The following TBCD variants were observed in gnomAD, a reference collection of about 807,000 sequenced individuals.
The protein encoded by TBCD is tubulin-specific chaperone D.
A neutral mutation model predicts 169.3 loss-of-function variants in TBCD; 105 were observed. That is an observed-to-expected ratio of 0.62 (90% confidence interval 0.53 to 0.73). The LOEUF (loss-of-function observed/expected upper bound fraction) is 0.73, where lower values mean the gene tolerates loss of function less well. Ranked by LOEUF, TBCD falls within the 30% of genes least tolerant of loss-of-function variation. TBCD has a pLI of 0.00. For synonymous variants in TBCD, 700 were observed against 643.9 expected (o/e 1.09, Z -1.32); for missense variants, 1,444 against 1,600.1 (o/e 0.90, Z 1.66).
At chr17:82,905,329 C>T (rs949371073) in intron 19 of TBCD, among the ~76,000 whole-genome samples, 2 of 152,242 alleles carry the variant, frequency 1.3e-5, no homozygotes, top group East Asian at 1.9e-4. Flanking sequence ...CACTTGGGAG[C>T]GGGCCATGTC....
chr17:82,894,314 A>C (rs1034940605), intron 17 of TBCD, among the ~76,000 whole-genome samples: 1 of 152,078 alleles, frequency 6.6e-6, no homozygotes, highest in African/African-American at 2.4e-5. Flanking sequence ...AAAGGGTGTG[A>C]CTTTATTTAT....
intron 18 of TBCD, among the ~76,000 whole-genome samples, chr17:82,901,823 G>A (rs59534406): frequency 2.0e-3 from 300 of 152,358 alleles, no homozygotes; most frequent in African/African-American, 7.0e-3. Flanking sequence ...GAGACTCGGG[G>A]TGTCCCTGCA....
chr17:82,932,595 A>G, intron 33 of TBCD, 63 bp from the exon 34 acceptor site: 2 of 1,386,264 alleles, frequency 1.4e-6, no homozygotes, highest in South Asian at 2.4e-5. Context: ...ACTCTCAGCC[A>G]TTCAGGGAGT....
At chr17:82,772,747 T>A (rs2048370645) in intron 6 of TBCD, among the ~76,000 whole-genome samples, 1 of 152,122 alleles carries the variant, frequency 6.6e-6, no homozygotes, top group African/African-American at 2.4e-5. Context: ...GACAGGCCCA[T>A]CGACAGGAGT....
At chr17:82,936,574 G>A (rs2062653312) in intron 34 of TBCD, among the ~76,000 whole-genome samples, 1 of 152,230 alleles carries the variant, frequency 6.6e-6, no homozygotes, top group African/African-American at 2.4e-5. Flanking sequence ...CTGTGCTTTG[G>A]CAGGCAGGAC....
chr17:82,895,302 A>G (rs1481110325), intron 17 of TBCD, among the ~76,000 whole-genome samples: 6 of 151,958 alleles, frequency 3.9e-5, no homozygotes, highest in Non-Finnish European at 8.8e-5. Flanking sequence ...GCACCCTAGT[A>G]CCGCGGGGCC....
At position 82,843,153 on chromosome 17, in the gene TBCD, T is replaced by A. The variant is rs535805121; in HGVS notation, c.1319-27071T>A. ...TTGATGCCATTCTGATTCCTGATTCTTTCTCTCTTAACATTTTAGTGTGAA... is the reference window on the plus strand; with the variant it reads ...TTGATGCCATTCTGATTCCTGATTCATTCTCTCTTAACATTTTAGTGTGAA... On this transcript the variant is annotated intron_variant, in intron 13 of 38. Coordinates refer to ENST00000355528, the MANE Select transcript of TBCD (RefSeq NM_005993.5). Among the ~76,000 whole-genome samples, 8 of 152,316 alleles carry A rather than the reference T, an allele frequency of 5.3e-5. No individual in the cohort carries two copies. The South Asian group carries it at 1.7e-3, about 32-fold the overall frequency.
At chr17:82,882,823 A>G (rs1459561938) in intron 14 of TBCD, among the ~76,000 whole-genome samples, 1 of 152,224 alleles carries the variant, frequency 6.6e-6, no homozygotes, top group Non-Finnish European at 1.5e-5. Flanking sequence ...ACACAGGAGA[A>G]CAGACGGGAT....
chr17:82,852,924 A>G (rs1179441796), intron 13 of TBCD, among the ~76,000 whole-genome samples: 1 of 152,208 alleles, frequency 6.6e-6, no homozygotes, highest in Non-Finnish European at 1.5e-5. Flanking sequence ...GAACGTATTC[A>G]GAGCTCAGAA....
chr17:82,887,164 T>TGCGC (rs1555632294), intron 15 of TBCD, among the ~76,000 whole-genome samples: 3 of 104,458 alleles, frequency 2.9e-5, no homozygotes, highest in Non-Finnish European at 5.8e-5. Flanking sequence ...TGTGTGTGTG[T>TGCGC]GTGTGCGCGC....
At chr17:82,927,150 A>G in intron 28 of TBCD, 36 bp from the exon 29 acceptor site, 1 of 1,613,114 alleles carries the variant, frequency 6.2e-7, no homozygotes, top group Non-Finnish European at 8.5e-7. Context: ...AGGCTCACCG[A>G]TGTTTGTTTG....
At chr17:82,893,522 T>C in intron 16 of TBCD, 25 bp from the exon 17 acceptor site, 2 of 1,539,726 alleles carry the variant, frequency 1.3e-6, no homozygotes, top group South Asian at 1.2e-5. Flanking sequence ...TTCTTCTTTT[T>C]CCCCCATTTC....
At chr17:82,774,465 G>T (rs890203400) in intron 6 of TBCD, among the ~76,000 whole-genome samples, 1 of 152,196 alleles carries the variant, frequency 6.6e-6, no homozygotes, top group African/African-American at 2.4e-5. Context: ...CACAGACACA[G>T]TAACAAACTG....
chr17:82,941,367 CGAGA>C, intron 37 of TBCD, 28 bp from the exon 38 acceptor site: 2 of 1,546,872 alleles, frequency 1.3e-6, no homozygotes, highest in Non-Finnish European at 1.7e-6. Flanking sequence ...GGTGGGCACT[CGAGA>C]GACTCACGGC....
Position 82,942,598 on chromosome 17 carries a change from T to C in TBCD, c.*135T>C. On this transcript the variant is annotated 3_prime_UTR_variant, in exon 39 of 39. Transcript: ENST00000355528. ...AGCGCTGGCCCTTGGAGGCTGGCAC[T>C]AGCTGACAGCTTTTCCTCTCTGCAC... The C allele has an allele frequency of 8.3e-7, 1 of 1,210,314 alleles. No homozygotes were observed. The highest frequency in any genetic ancestry group is 1.2e-6 in the Non-Finnish European group (1 of 837,174). The allele number at this position is 1,210,314 out of a possible 1,614,324, so 75.0% of individuals were successfully genotyped here.
chr17:82,774,330 GGACACA>G (rs2048454456), intron 6 of TBCD, among the ~76,000 whole-genome samples: 1 of 152,146 alleles, frequency 6.6e-6, no homozygotes. Context: ...ACCCCTGAGT[GGACACA>G]GCACATGTTT....
chr17:82,863,300 T>C (rs1170499857), intron 13 of TBCD, among the ~76,000 whole-genome samples: 1 of 152,186 alleles, frequency 6.6e-6, no homozygotes, highest in Non-Finnish European at 1.5e-5. Context: ...TGGCCTGTGC[T>C]GTGTGCCTGG....
At chr17:82,819,342 T>C (rs971119592) in intron 13 of TBCD, among the ~76,000 whole-genome samples, 1 of 152,206 alleles carries the variant, frequency 6.6e-6, no homozygotes, top group African/African-American at 2.4e-5. Context: ...TCGCATTTTC[T>C]TTGGGTTACT....
At chr17:82,863,733 A>C (rs546642422) in intron 13 of TBCD, among the ~76,000 whole-genome samples, 1 of 152,292 alleles carries the variant, frequency 6.6e-6, no homozygotes, top group Non-Finnish European at 1.5e-5. Flanking sequence ...GGGAAGCAGC[A>C]GTTGGCTCCT....
Sources: allele counts gnomAD v4.1 joint callset (sites outside exome capture counted in the v4.1 genomes callset), GRCh38; gene constraint gnomAD v4.1.1; transcripts MANE v1.5; gene names NCBI Gene and HGNC (gene_info 2026-07-23, HGNC 2026-07-21).